Variants in USP39 observed in about 807,000 individuals in gnomAD.
USP39 encodes ubiquitin specific peptidase 39.
In USP39, 38 loss-of-function variants were observed where a neutral mutation model predicts 66.4. That is an observed-to-expected ratio of 0.57 (90% CI 0.44 to 0.75). The LOEUF is 0.75. USP39 is among the 30% of genes least tolerant of loss of function. USP39 has a pLI of 0.00. For synonymous variants in USP39, 303 were observed against 274.6 expected, an observed-to-expected ratio of 1.10 and a Z score of -1.02; for missense variants, 608 against 714.4, an observed-to-expected ratio of 0.85 and a Z score of 1.70.
rs549435275 is a variant in USP39 at position 85,627,838 on chromosome 2, T to C, written c.723+2147T>C. ...CTAAAGTTAATTATTTGTATTTTTTTCTTGAGTTATTGGGCCTTACAGACT... is the reference window on the plus strand; with the variant it reads ...CTAAAGTTAATTATTTGTATTTTTTCCTTGAGTTATTGGGCCTTACAGACT... On this transcript the variant is annotated intron_variant, in intron 5 of 12. Transcript: ENST00000323701. 9.3e-4 allele frequency among the ~76,000 whole-genome samples: 141 copies of C among 152,168 alleles called. 1 individual carries two copies. Among genetic ancestry groups the C allele is most frequent in the African/African-American group, 3.3e-3 (135 of 41,504 alleles).
chr2:85,616,968 G>A (rs1490221078), intron 1 of USP39, among the ~76,000 whole-genome samples: 1 of 152,042 alleles, frequency 6.6e-6, no homozygotes, highest in Non-Finnish European at 1.5e-5. Context: ...GGGATTACAG[G>A]CGTGAACCAC....
chr2:85,637,280 G>A (rs1675848269), intron 7 of USP39, 89 bp from the exon 8 acceptor site: 2 of 1,457,326 alleles, frequency 1.4e-6, no homozygotes, highest in Non-Finnish European at 1.9e-6. Flanking sequence ...GAAGATGCTG[G>A]TTTATTTCAG....
intron 1 of USP39, among the ~76,000 whole-genome samples, chr2:85,604,052 G>T (rs1337706973): frequency 2.0e-5 from 3 of 152,174 alleles, no homozygotes; most frequent in Non-Finnish European, 4.4e-5. Context: ...CCAGCGTGGG[G>T]AGCTGAAGTT....
At chr2:85,612,485 A>T, upstream of USP39, 6 of 1,010,706 alleles carry the variant, frequency 5.9e-6, no homozygotes, top group East Asian at 2.8e-5. Context: ...ATGGATTGTG[A>T]GGCCTTGAAG....
At chr2:85,606,661 A>T (rs1438429400) in intron 1 of USP39, 1 of 152,254 alleles carries the variant, frequency 6.6e-6, no homozygotes, top group Admixed American at 6.5e-5. Flanking sequence ...AAATTCCTCA[A>T]GAAAAAAAGT....
chr2:85,638,561 GGA>G (rs1372746182), intron 8 of USP39, among the ~76,000 whole-genome samples: 1 of 151,474 alleles, frequency 6.6e-6, no homozygotes. Context: ...TTATTGAGAC[GGA>G]GTTTCACTCT....
At chr2:85,610,898 A>C (rs909256226), upstream of USP39, 1 of 150,810 alleles carries the variant, frequency 6.6e-6, no homozygotes, top group Non-Finnish European at 1.5e-5. Context: ...AGCTGGGACT[A>C]CAGGCGCCCA....
chr2:85,625,577 A>T lies in USP39; in HGVS notation c.609A>T (p.Ala203=), dbSNP rs374670578. The T allele has an allele frequency of 2.2e-5, 36 of 1,614,058 alleles. No individual in the cohort carries two copies. In the Admixed American group the frequency reaches 3.0e-4, roughly 13 times the overall value. The change falls in exon 5 of 13, where the codon GCA becomes GCT. Residue 203 remains alanine (A), a synonymous_variant. Coordinates refer to ENST00000323701, the MANE Select transcript of USP39 (RefSeq NM_006590.4). The part of the protein sequence containing the change: ...LKPTFTKQQI[A]NLDKQAKLSR... Reference sequence around the variant, plus strand: ...CCACTTTCACAAAGCAGCAAATTGCAAACTTGGACAAGCAAGCCAAATTGT... The same window carrying T: ...CCACTTTCACAAAGCAGCAAATTGCTAACTTGGACAAGCAAGCCAAATTGT...
upstream of USP39, chr2:85,611,062 G>C (rs1683533705): frequency 5.1e-6 from 1 of 195,268 alleles, no homozygotes; most frequent in Admixed American, 5.8e-5. Flanking sequence ...CCCAGCCGGG[G>C]AAACCCCTTC....
At chr2:85,622,057 T>G (rs975295760) in intron 3 of USP39, among the ~76,000 whole-genome samples, 1 of 151,978 alleles carries the variant, frequency 6.6e-6, no homozygotes, top group South Asian at 2.1e-4. Context: ...TGGCCGCAGG[T>G]GATCCACCTG....
At chr2:85,609,238 C>T (rs1432854287), upstream of USP39, among the ~76,000 whole-genome samples, 1 of 152,228 alleles carries the variant, frequency 6.6e-6, no homozygotes, top group Non-Finnish European at 1.5e-5. Flanking sequence ...GGCCAAGAGC[C>T]CTCCCTGTTC....
chr2:85,623,616 T>A, intron 3 of USP39, 30 bp from the exon 4 acceptor site: 1 of 1,602,446 alleles, frequency 6.2e-7, no homozygotes, highest in Non-Finnish European at 8.5e-7. Flanking sequence ...TATCTGCCCT[T>A]CTATTACAGC....
chr2:85,619,298 G>T lies in USP39; in HGVS notation c.338+9G>T. 1.9e-6 allele frequency: 3 copies of T among 1,612,470 alleles called. No homozygotes were observed. Among genetic ancestry groups the T allele is most frequent in the Non-Finnish European group, 2.5e-6 (3 of 1,179,338 alleles). Reference sequence around the variant, plus strand: ...CTGGACACCATTAACAGGTCAGTAGGACAGAGATGCTGAGTATAGCACAAG... The same window carrying T: ...CTGGACACCATTAACAGGTCAGTAGTACAGAGATGCTGAGTATAGCACAAG... On this transcript the variant is annotated intron_variant, in intron 2 of 12. Transcript: ENST00000323701.
chr2:85,631,043 C>T, intron 6 of USP39, 97 bp downstream of exon 6: 1 of 1,113,596 alleles, frequency 9.0e-7, no homozygotes, highest in South Asian at 1.5e-5. Context: ...GAGATGGAGT[C>T]TCACTCTGTC....
upstream of USP39, chr2:85,612,456 C>T: frequency 1.6e-6 from 2 of 1,240,870 alleles, no homozygotes; most frequent in Non-Finnish European, 2.3e-6. Flanking sequence ...AATGGGAACA[C>T]CTAGAGCACC....
chr2:85,647,198 C>T (rs916649573), intron 11 of USP39, among the ~76,000 whole-genome samples: 1 of 152,088 alleles, frequency 6.6e-6, no homozygotes, highest in Admixed American at 6.6e-5. Flanking sequence ...CAGGAATGTC[C>T]ATATTTAGGT....
At chr2:85,643,156 C>T (rs988932187) in intron 10 of USP39, among the ~76,000 whole-genome samples, 2 of 151,974 alleles carry the variant, frequency 1.3e-5, no homozygotes, top group Admixed American at 6.6e-5. Context: ...TCTCTTTTGC[C>T]GCATGGACAG....
At chr2:85,611,706 C>G (rs887045812), upstream of USP39, 1 of 1,588,174 alleles carries the variant, frequency 6.3e-7, no homozygotes. Flanking sequence ...GTCTGGCTTG[C>G]GGGGCCGCGT....
chr2:85,613,949 A>C (rs770373917), upstream of USP39, among the ~76,000 whole-genome samples: 2 of 150,646 alleles, frequency 1.3e-5, no homozygotes, highest in Non-Finnish European at 3.0e-5. Flanking sequence ...TTTTTTGTGG[A>C]GATGGGGGGG....
Sources: allele counts gnomAD v4.1 joint callset (sites outside exome capture counted in the v4.1 genomes callset), GRCh38; gene constraint gnomAD v4.1.1; transcripts MANE v1.5; gene names NCBI Gene and HGNC (gene_info 2026-07-23, HGNC 2026-07-21).